The following GCSAML variants were observed in gnomAD, a reference collection of about 807,000 sequenced individuals.
The protein encoded by GCSAML is germinal center associated signaling and motility like.
Under a neutral mutation model 13.0 loss-of-function variants are expected in GCSAML, and 9 were observed. The ratio of observed to expected loss-of-function variants is 0.69; its 90% confidence interval spans 0.42 to 1.21. The LOEUF (loss-of-function observed/expected upper bound fraction) is 1.21. Among genes scored for constraint, GCSAML ranks in the 50% most tolerant of loss-of-function variants. The pLI is 0.00. For missense variants in GCSAML, 143 were observed against 153.4 expected (o/e 0.93, Z 0.36); for synonymous variants, 37 against 52.9 (o/e 0.70, Z 1.31).
chr1:247,551,456 G>T lies in GCSAML; in HGVS notation c.29+2236G>T, dbSNP rs1359547786. ...GGCCTTCAAAGGCACGTAGAAAGTGGTAAGCAGTGAACATTTATAAGCTGG... is the reference window on the plus strand; with the variant it reads ...GGCCTTCAAAGGCACGTAGAAAGTGTTAAGCAGTGAACATTTATAAGCTGG... On this transcript the variant is annotated intron_variant, in intron 1 of 4. Transcript: ENST00000366488. 3.3e-5 allele frequency among the ~76,000 whole-genome samples: 5 copies of T among 152,206 alleles called. No individual in the cohort carries two copies. In the East Asian group the frequency reaches 9.6e-4, roughly 29 times the overall value.
chr1:247,531,625 G>A, intron 2 of GCSAML: 1 of 1,614,088 alleles, frequency 6.2e-7, no homozygotes, highest in Non-Finnish European at 8.5e-7. Flanking sequence ...CTTCACCTCC[G>A]TGTTCCTCAG....
At chr1:247,521,402 C>CTCACTCTCCACGGTCTCCCTCTCCCTA (rs1666419046) in intron 1 of GCSAML, among the ~76,000 whole-genome samples, 1 of 151,982 alleles carries the variant, frequency 6.6e-6, no homozygotes, top group African/African-American at 2.4e-5. Flanking sequence ...CCCTCTCCCT[C>CTCACTCTCCACGGTCTCCCTCTCCCTA]TCTTTCCATG....
At chr1:247,568,021 GGTT>G (rs1301615731) in intron 4 of GCSAML, among the ~76,000 whole-genome samples, 9 of 151,772 alleles carry the variant, frequency 5.9e-5, no homozygotes, top group Non-Finnish European at 1.3e-4. Flanking sequence ...TTTTTGATGG[GGTT>G]GTTTTTTTCT....
At chr1:247,509,431 T>C (rs1433183948) in intron 1 of GCSAML, among the ~76,000 whole-genome samples, 4 of 152,222 alleles carry the variant, frequency 2.6e-5, no homozygotes, top group African/African-American at 9.6e-5. Flanking sequence ...TTTCTAAATA[T>C]ACAATCATGT....
At chr1:247,522,212 A>G (rs1350390929) in intron 1 of GCSAML, among the ~76,000 whole-genome samples, 3 of 146,642 alleles carry the variant, frequency 2.0e-5, no homozygotes, top group Admixed American at 1.3e-4. Context: ...GGTGGGGGGC[A>G]GCCCCCGCCC....
intron 1 of GCSAML, among the ~76,000 whole-genome samples, chr1:247,522,676 G>A (rs1192638991): frequency 2.6e-5 from 4 of 152,274 alleles, no homozygotes; most frequent in Non-Finnish European, 4.4e-5. Flanking sequence ...ATTAAGGGCG[G>A]TGCAAGATGT....
At chr1:247,515,708 A>G (rs1019590760) in intron 1 of GCSAML, among the ~76,000 whole-genome samples, 1 of 152,196 alleles carries the variant, frequency 6.6e-6, no homozygotes, top group Admixed American at 6.5e-5. Context: ...GGGAGGTGCC[A>G]CACACTTTTA....
At chr1:247,546,136 G>T (rs995591102), upstream of GCSAML, among the ~76,000 whole-genome samples, 7 of 151,934 alleles carry the variant, frequency 4.6e-5, no homozygotes, top group African/African-American at 1.7e-4. Context: ...AGGAAAGAAA[G>T]AAATAAATTT....
intron 1 of GCSAML, chr1:247,524,831 A>C (rs764108441): frequency 1.3e-4 from 20 of 152,184 alleles, no homozygotes; most frequent in Non-Finnish European, 2.8e-4. Flanking sequence ...GAATCATGTC[A>C]ACTACCGCTA....
chr1:247,550,970 G>C (rs1320620030), intron 1 of GCSAML, among the ~76,000 whole-genome samples: 1 of 152,154 alleles, frequency 6.6e-6, no homozygotes, highest in Non-Finnish European at 1.5e-5. Context: ...TAAAAAAATA[G>C]ACATTACGTG....
intron 1 of GCSAML, among the ~76,000 whole-genome samples, chr1:247,513,872 C>A (rs1666125826): frequency 6.6e-6 from 1 of 152,162 alleles, no homozygotes; most frequent in African/African-American, 2.4e-5. Context: ...GTGAGATGAG[C>A]TGGGTACCTC....
chr1:247,519,751 G>A (rs1666350257), intron 1 of GCSAML, among the ~76,000 whole-genome samples: 1 of 152,230 alleles, frequency 6.6e-6, no homozygotes, highest in Admixed American at 6.5e-5. Context: ...CACTGCTTTA[G>A]AGAGTTTCTG....
At chr1:247,520,272 A>C (rs1233982998) in intron 1 of GCSAML, among the ~76,000 whole-genome samples, 1 of 152,216 alleles carries the variant, frequency 6.6e-6, no homozygotes, top group Non-Finnish European at 1.5e-5. Flanking sequence ...AGATGACATT[A>C]ACATTTAGAT....
intron 1 of GCSAML, among the ~76,000 whole-genome samples, chr1:247,514,874 A>G (rs1666160414): frequency 6.6e-6 from 1 of 152,140 alleles, no homozygotes; most frequent in Non-Finnish European, 1.5e-5. Context: ...GCCTTATAGT[A>G]TAGTTTGAAG....
intron 1 of GCSAML, among the ~76,000 whole-genome samples, chr1:247,552,106 G>A (rs1352258836): frequency 6.6e-6 from 1 of 152,200 alleles, no homozygotes; most frequent in Non-Finnish European, 1.5e-5. Flanking sequence ...TTGGGGAAGA[G>A]GGATTCTAAT....
rs116604251 is a variant in GCSAML at position 247,517,165 on chromosome 1, G to A, written c.-262-9775G>A. On this transcript the variant is annotated intron_variant, in intron 1 of 5. Coordinates refer to the GCSAML transcript ENST00000366489. ...AATCAAAGCTGCTTTTGGTCTTTTG[G>A]ATAATGTCAGACTAATCATTGAGTC... is the stretch of plus-strand genomic sequence containing the variant. 8.4e-3 allele frequency among the ~76,000 whole-genome samples: 1,282 copies of A among 152,256 alleles called. 10 individuals carry two copies. The highest frequency in any genetic ancestry group is 0.017 in the Admixed American group (258 of 15,292).
At chr1:247,565,696 G>T (rs935464421) in intron 3 of GCSAML, 1 of 455,198 alleles carries the variant, frequency 2.2e-6, no homozygotes, top group Non-Finnish European at 3.8e-6. Context: ...TTTACAGAAA[G>T]AACATACTAT....
intron 2 of GCSAML, among the ~76,000 whole-genome samples, chr1:247,537,841 T>G (rs377292253): frequency 6.6e-6 from 1 of 152,164 alleles, no homozygotes; most frequent in African/African-American, 2.4e-5. Context: ...ATTTTTTGAT[T>G]GGGTTGTTTG....
At chr1:247,547,876 C>A (rs961924143), upstream of GCSAML, among the ~76,000 whole-genome samples, 3 of 152,140 alleles carry the variant, frequency 2.0e-5, no homozygotes, top group South Asian at 4.2e-4. Context: ...GGAAGCAGCA[C>A]TTTGGTACAT....
Sources: gnomAD v4.1 joint callset for allele counts (sites outside exome capture counted in the v4.1 genomes callset) on GRCh38, gnomAD v4.1.1 for gene constraint, MANE v1.5 for transcripts, NCBI Gene and HGNC (gene_info 2026-07-23, HGNC 2026-07-21) for gene names.